The following CTH variants were observed in gnomAD, a reference collection of about 807,000 sequenced individuals.
CTH encodes the protein cystathionase (cystathionine gamma-lyase).
In CTH, 41 loss-of-function variants were observed where a neutral mutation model predicts 50.6. The ratio of observed to expected loss-of-function variants is 0.81; its 90% CI spans 0.63 to 1.05. The LOEUF is 1.05. CTH is among the 50% of genes least tolerant of loss of function. The pLI, the probability that CTH is intolerant of heterozygous loss-of-function variation, is 0.00. For synonymous variants in CTH, 156 were observed against 168.9 expected (o/e 0.92, Z 0.59); for missense variants, 470 against 492.6 (o/e 0.95, Z 0.43).
At position 70,439,272 on chromosome 1, in the gene CTH, G is replaced by A; in HGVS notation, c.*145G>A. 1 of 746,774 alleles carries A rather than the reference G, an allele frequency of 1.3e-6. No individual in the cohort carries two copies. Among genetic ancestry groups the A allele is most frequent in the Non-Finnish European group, 2.4e-6 (1 of 421,558 alleles). 46.3% of individuals were successfully genotyped at this position (746,774 alleles called of 1,614,324 possible). A position where few individuals can be genotyped will look rare whatever the true frequency, so the allele number is the denominator to read the frequency against. ...ATCTTTCATAACTGTAATTTTCTTA[G>A]GGATCATCTCTGTTAAAAAGTTTTC... On this transcript the variant is annotated 3_prime_UTR_variant, in exon 12 of 12. Transcript: ENST00000370938.
In CTH at chr1:70,439,117, G is replaced by C; in HGVS notation, c.1208G>C (p.Ser403Thr). The C allele has an allele frequency of 6.2e-7, 1 of 1,611,202 alleles. No individual in the cohort carries two copies. Residue 403 changes from serine to threonine, a missense_variant, in exon 12 of 12, where the codon AGT (serine) becomes ACT (threonine). Coordinates refer to ENST00000370938, the MANE Select transcript of CTH (RefSeq NM_001902.6). ...ALKAAHPPSG[S>T]HS is the part of the protein sequence containing the mutation. ...TTATTATAGCACCCTCCAAGTGGAA[G>C]TCACAGCTAGTATTCCAGAGCTGCT... is the stretch of plus-strand genomic sequence containing the variant.
chr1:70,416,427 C>T (rs1684092600), intron 2 of CTH, among the ~76,000 whole-genome samples: 1 of 152,112 alleles, frequency 6.6e-6, no homozygotes. Context: ...GTCTCTCATT[C>T]TGTTGCTCAG....
intron 2 of CTH, among the ~76,000 whole-genome samples, chr1:70,417,191 G>A (rs773917461): frequency 6.6e-6 from 1 of 151,922 alleles, no homozygotes; most frequent in Non-Finnish European, 1.5e-5. Context: ...AGGTCTGATT[G>A]CGAGTTTTGT....
chr1:70,420,981 GT>G (rs1383097645), intron 3 of CTH, among the ~76,000 whole-genome samples: 2 of 151,666 alleles, frequency 1.3e-5, no homozygotes, highest in Non-Finnish European at 2.9e-5. Flanking sequence ...TTTTCTTTAA[GT>G]TTTTATGTGT....
intron 1 of CTH, among the ~76,000 whole-genome samples, chr1:70,415,665 G>A (rs189741742): frequency 6.6e-6 from 1 of 152,256 alleles, no homozygotes; most frequent in East Asian, 1.9e-4. Flanking sequence ...CCAGATATCT[G>A]TATTTTATTC....
At chr1:70,417,052 A>C (rs1236086414) in intron 2 of CTH, among the ~76,000 whole-genome samples, 3 of 152,054 alleles carry the variant, frequency 2.0e-5, no homozygotes, top group Non-Finnish European at 4.4e-5. Flanking sequence ...ATAGCACTAA[A>C]GTTATTTTCA....
At chr1:70,428,211 G>A (rs1460768632) in intron 5 of CTH, among the ~76,000 whole-genome samples, 5 of 152,098 alleles carry the variant, frequency 3.3e-5, no homozygotes, top group East Asian at 1.9e-4. Context: ...ATAGAACAGC[G>A]GTTACTAGAG....
At chr1:70,417,832 G>T in intron 2 of CTH, 105 bp from the exon 3 acceptor site, 1 of 1,241,212 alleles carries the variant, frequency 8.1e-7, no homozygotes, top group African/African-American at 1.5e-5. Flanking sequence ...ACTCAGCAGT[G>T]ATGGCTTCCT....
chr1:70,429,870 A>G lies in CTH; in HGVS notation c.646+19A>G. ...ATGAATGGTAAGATGCATACTTTGA[A>G]TGTTCTTTTTCATGGATAGGTGAAA... On this transcript the variant is annotated intron_variant, in intron 6 of 11. Transcript: ENST00000370938. The G allele has an allele frequency of 1.3e-6, 2 of 1,584,820 alleles. No homozygotes were observed. The highest frequency in any genetic ancestry group is 8.7e-7 in the Non-Finnish European group (1 of 1,153,596).
intron 8 of CTH, among the ~76,000 whole-genome samples, chr1:70,433,474 G>T (rs909396410): frequency 6.6e-6 from 1 of 152,150 alleles, no homozygotes; most frequent in Non-Finnish European, 1.5e-5. Context: ...AGTAACAAAA[G>T]AAATGGATTT....
intron 1 of CTH, among the ~76,000 whole-genome samples, chr1:70,412,194 A>T (rs1478442816): frequency 6.6e-6 from 1 of 152,214 alleles, no homozygotes; most frequent in Non-Finnish European, 1.5e-5. Context: ...AACTTTAGAA[A>T]CTTGAGGTTG....
At chr1:70,413,309 G>T (rs1401102163) in intron 1 of CTH, among the ~76,000 whole-genome samples, 1 of 150,476 alleles carries the variant, frequency 6.6e-6, no homozygotes, top group Admixed American at 6.6e-5. Flanking sequence ...TGTCACCCAG[G>T]CTGGAGTGCA....
rs1032279864 is a variant in CTH, at chr1:70,423,970, C to G, written c.457-315C>G. Reference sequence around the variant, plus strand: ...GACACTGAGCTGTCTTTGGAATACACTTTCTTTTTTAAGAAAAGTACAATA... The same window carrying G: ...GACACTGAGCTGTCTTTGGAATACAGTTTCTTTTTTAAGAAAAGTACAATA... On this transcript the variant is annotated intron_variant, in intron 4 of 11. Coordinates refer to ENST00000370938, the MANE Select transcript of CTH (RefSeq NM_001902.6). Among the ~76,000 whole-genome samples the G allele has an allele frequency of 3.3e-5, 5 of 152,166 alleles. No individual in the cohort carries two copies. The East Asian group carries it at 7.7e-4, about 23-fold the overall frequency.
At chr1:70,426,273 T>G (rs1005167893) in intron 5 of CTH, among the ~76,000 whole-genome samples, 3 of 152,202 alleles carry the variant, frequency 2.0e-5, no homozygotes, top group Non-Finnish European at 4.4e-5. Flanking sequence ...CCCAACTCTT[T>G]CCTTTCCTTG....
chr1:70,430,447 A>T, intron 7 of CTH, 53 bp downstream of exon 7: 1 of 866,352 alleles, frequency 1.2e-6, no homozygotes, highest in South Asian at 1.3e-5. Flanking sequence ...ACTACATTTG[A>T]TATTTGTATT....
chr1:70,414,199 A>T (rs1446905400), intron 1 of CTH, among the ~76,000 whole-genome samples: 7 of 150,962 alleles, frequency 4.6e-5, no homozygotes, highest in African/African-American at 1.7e-4. Context: ...AGGGGTAAGG[A>T]TATCCTGGAG....
chr1:70,415,837 A>G (rs1022415311), intron 1 of CTH, 119 bp from the exon 2 acceptor site: 3 of 713,786 alleles, frequency 4.2e-6, no homozygotes, highest in Non-Finnish European at 7.8e-6. Context: ...TTAAAGCAAG[A>G]CATATCATGA....
intron 7 of CTH, 116 bp from the exon 8 acceptor site, chr1:70,431,967 C>A: frequency 9.4e-7 from 1 of 1,058,734 alleles, no homozygotes; most frequent in Non-Finnish European, 1.5e-6. Context: ...TCCTAGAACT[C>A]AAACATTGAG....
intron 7 of CTH, among the ~76,000 whole-genome samples, chr1:70,430,732 G>T (rs828355): frequency 2.7e-5 from 4 of 150,812 alleles, no homozygotes; most frequent in African/African-American, 9.7e-5. Context: ...TAGTAGAGAC[G>T]GGGTTTCACC....
Sources: gnomAD v4.1 joint callset for allele counts (sites outside exome capture counted in the v4.1 genomes callset) on GRCh38, gnomAD v4.1.1 for gene constraint, MANE v1.5 for transcripts, NCBI Gene and HGNC (gene_info 2026-07-23, HGNC 2026-07-21) for gene names.